NCOA1: variants seen among roughly 807,000 people sequenced by gnomAD.
NCOA1 encodes nuclear receptor coactivator 1, also known as Hin-2 protein.
NCOA1 carries 35 observed loss-of-function variants against 150.9 expected under a neutral mutation model. The observed-to-expected ratio is 0.23, with a 90% CI of 0.18 to 0.31. The LOEUF is 0.31. Among genes scored for constraint, NCOA1 ranks in the 10% least tolerant of loss-of-function variants. The probability of loss-of-function intolerance (pLI) is 1.00; values close to 1 mark genes in which losing one functional copy is unlikely to be tolerated. For missense variants in NCOA1, 1,491 were observed against 1,749.3 expected (o/e 0.85, Z 2.63); for synonymous variants, 590 against 630.0 (o/e 0.94, Z 0.95).
chr2:24,567,082 C>T (rs1444714328), intron 2 of NCOA1, among the ~76,000 whole-genome samples: 1 of 152,240 alleles, frequency 6.6e-6, no homozygotes, highest in African/African-American at 2.4e-5. Context: ...TGGGCCGCTG[C>T]TGCCATCACT....
Position 24,767,450 on chromosome 2 carries a change from G to A in NCOA1, c.4156-771G>A, listed in dbSNP as rs1665125100. Among the ~76,000 whole-genome samples, 3 of 152,250 alleles carry A rather than the reference G, an allele frequency of 2.0e-5. No homozygotes were observed. The South Asian group carries it at 6.2e-4, about 32-fold the overall frequency. ...TTGGTAAAGACTAACTTCTGGCTTT[G>A]TTTTCCCAATAGAATATGCTAGAAC... On this transcript the variant is annotated intron_variant, in intron 22 of 22. Coordinates refer to ENST00000348332, the MANE Select transcript of NCOA1 (RefSeq NM_003743.5).
At chr2:24,507,435 GTTT>G (rs10651704) in intron 1 of NCOA1, among the ~76,000 whole-genome samples, 55 of 126,500 alleles carry the variant, frequency 4.3e-4, no homozygotes, top group African/African-American at 1.5e-3. Context: ...GAGCTGCTGG[GTTT>G]TTTTTTTTTT....
intron 1 of NCOA1, among the ~76,000 whole-genome samples, chr2:24,495,001 C>T (rs181917507): frequency 6.6e-6 from 1 of 151,722 alleles, no homozygotes; most frequent in African/African-American, 2.4e-5. Context: ...AGACCTTGTG[C>T]CTTTCAACAT....
At chr2:24,736,608 T>C (rs575634629) in intron 17 of NCOA1, among the ~76,000 whole-genome samples, 5 of 152,352 alleles carry the variant, frequency 3.3e-5, no homozygotes, top group African/African-American at 7.2e-5. Context: ...AAATGCCCAA[T>C]AGGACAATAA....
At chr2:24,600,257 C>T (rs1276925671) in intron 3 of NCOA1, among the ~76,000 whole-genome samples, 1 of 152,096 alleles carries the variant, frequency 6.6e-6, no homozygotes, top group Non-Finnish European at 1.5e-5. Flanking sequence ...GGCTGGAGTG[C>T]AGTGGTGGTG....
At chr2:24,691,756 T>TTTTGG in intron 9 of NCOA1, 96 bp downstream of exon 9, 1 of 1,300,174 alleles carries the variant, frequency 7.7e-7, no homozygotes, top group South Asian at 1.5e-5. Context: ...CAGATAGTAT[T>TTTTGG]TTTGGTTACT....
intron 3 of NCOA1, among the ~76,000 whole-genome samples, chr2:24,609,162 G>A (rs1250781595): frequency 6.6e-6 from 1 of 152,188 alleles, no homozygotes; most frequent in Non-Finnish European, 1.5e-5. Flanking sequence ...CTCCCAGAGG[G>A]AGGAGTAGCT....
At chr2:24,597,798 C>T (rs1393552750) in intron 3 of NCOA1, among the ~76,000 whole-genome samples, 5 of 151,938 alleles carry the variant, frequency 3.3e-5, no homozygotes, top group African/African-American at 9.7e-5. Flanking sequence ...TATTATTATA[C>T]TTTAAGTTCT....
At chr2:24,736,231 AAAAAAAG>A (rs1663294394) in intron 17 of NCOA1, among the ~76,000 whole-genome samples, 1 of 150,710 alleles carries the variant, frequency 6.6e-6, no homozygotes, top group Non-Finnish European at 1.5e-5. Flanking sequence ...CAAAAAAAAA[AAAAAAAG>A]AAAAAGAAAA....
chr2:24,502,961 G>C (rs1663527798), intron 1 of NCOA1, among the ~76,000 whole-genome samples: 1 of 151,994 alleles, frequency 6.6e-6, no homozygotes, highest in Admixed American at 6.5e-5. Flanking sequence ...TTGTTTTTGT[G>C]TGTCCTGTCT....
chr2:24,556,732 A>C (rs932890813), intron 1 of NCOA1, among the ~76,000 whole-genome samples: 12 of 152,092 alleles, frequency 7.9e-5, no homozygotes, highest in African/African-American at 2.9e-4. Flanking sequence ...GAAACAACAG[A>C]TGGTGGTGAG....
chr2:24,639,631 A>G (rs1572526710), intron 3 of NCOA1, among the ~76,000 whole-genome samples: 3 of 151,852 alleles, frequency 2.0e-5, no homozygotes, highest in Non-Finnish European at 2.9e-5. Flanking sequence ...GCTCATGCCT[A>G]TAATCCCAGC....
chr2:24,516,959 TATATACGTATATATACAC>T (rs1385131882), intron 1 of NCOA1, among the ~76,000 whole-genome samples: 5 of 30,204 alleles, frequency 1.7e-4, no homozygotes, highest in Admixed American at 6.0e-4. Flanking sequence ...TATACAAGTA[TATATACGTATATATACAC>T]ATATACGTAT....
intron 1 of NCOA1, among the ~76,000 whole-genome samples, chr2:24,563,519 TCTC>T (rs1334098302): frequency 6.6e-6 from 1 of 151,456 alleles, no homozygotes; most frequent in African/African-American, 2.4e-5. Context: ...AGTAAATCTC[TCTC>T]TTTTTTTTTT....
At chr2:24,657,577 C>T (rs1671001954) in intron 4 of NCOA1, among the ~76,000 whole-genome samples, 1 of 151,814 alleles carries the variant, frequency 6.6e-6, no homozygotes, top group African/African-American at 2.4e-5. Flanking sequence ...ATTTGTACAC[C>T]AAAAAATATG....
rs1295900860 is a variant in NCOA1, at chr2:24,709,146, ATAAT to A, written c.2418+1259_2418+1262del. Reference sequence around the variant, plus strand: ...ATTTTTAAGCAGAAAACAGCATTAAATAATAAGTATATTTAAAAGGAAAAGATTT... The same window carrying A: ...ATTTTTAAGCAGAAAACAGCATTAAAAAGTATATTTAAAAGGAAAAGATTT... On this transcript the variant is annotated intron_variant, in intron 13 of 22. Transcript: ENST00000348332. Among the ~76,000 whole-genome samples, 3 of 152,348 alleles carry A rather than the reference ATAAT, an allele frequency of 2.0e-5. No individual in the cohort carries two copies. In the East Asian group the frequency reaches 5.8e-4, roughly 29 times the overall value.
chr2:24,492,466 C>T (rs77782776), intron 1 of NCOA1, among the ~76,000 whole-genome samples: 6,204 of 152,238 alleles, frequency 0.041, 178 homozygotes, highest in Non-Finnish European at 0.061. Flanking sequence ...CATGGGTAGA[C>T]ACTGCCCAGT....
At chr2:24,633,506 T>C (rs1010811311) in intron 3 of NCOA1, among the ~76,000 whole-genome samples, 1 of 152,198 alleles carries the variant, frequency 6.6e-6, no homozygotes, top group South Asian at 2.1e-4. Context: ...TTCTCATAAT[T>C]GAAGGCGAAG....
At chr2:24,625,140 G>A (rs1234365372) in intron 3 of NCOA1, among the ~76,000 whole-genome samples, 1 of 151,996 alleles carries the variant, frequency 6.6e-6, no homozygotes, top group Non-Finnish European at 1.5e-5. Flanking sequence ...CATTGAAATT[G>A]AATTTCATGT....
Sources: allele counts gnomAD v4.1 joint callset (sites outside exome capture counted in the v4.1 genomes callset), GRCh38; gene constraint gnomAD v4.1.1; transcripts MANE v1.5; gene names NCBI Gene and HGNC (gene_info 2026-07-23, HGNC 2026-07-21).